Variants in IL1R1 observed in about 807,000 individuals in gnomAD.
IL1R1 encodes the protein interleukin 1 receptor type 1, also known as interleukin-1 receptor type 1.
A neutral mutation model predicts 50.2 loss-of-function variants in IL1R1; 22 were observed. The observed-to-expected ratio is 0.44, with a 90% CI of 0.31 to 0.63. The LOEUF (loss-of-function observed/expected upper bound fraction) is 0.63. Among genes scored for constraint, IL1R1 ranks in the 20% least tolerant of loss-of-function variants. IL1R1 has a pLI of 0.07. For synonymous variants in IL1R1, 251 were observed against 236.7 expected, an observed-to-expected ratio of 1.06 and a Z score of -0.55; for missense variants, 509 against 676.2, an observed-to-expected ratio of 0.75 and a Z score of 2.74.
chr2:102,141,993 T>C (rs1370401730), upstream of IL1R1: 1 of 152,180 alleles, frequency 6.6e-6, no homozygotes, highest in Admixed American at 6.5e-5. Flanking sequence ...GAATTCTCAT[T>C]GGCAAAGTGA....
Position 102,164,733 on chromosome 2 carries a change from G to T in IL1R1, c.62-41G>T, listed in dbSNP as rs201457334. ...GATATTAAATCAAGACACACTGGCA[G>T]ATTTTTATGTAAATTGCTTCCACCC... On this transcript the variant is annotated intron_variant, in intron 3 of 11. Coordinates refer to ENST00000410023, the MANE Select transcript of IL1R1 (RefSeq NM_000877.4). 270 of 1,401,504 alleles carry T rather than the reference G, an allele frequency of 1.9e-4. 1 individual carries two copies. Among genetic ancestry groups the T allele is most frequent in the Middle Eastern group, 1.6e-3 (9 of 5,582 alleles). The allele number at this position is 1,401,504 out of a possible 1,614,324, so 86.8% of individuals were successfully genotyped here.
intron 1 of IL1R1, among the ~76,000 whole-genome samples, chr2:102,088,584 G>A (rs148522468): frequency 3.5e-4 from 53 of 152,306 alleles, no homozygotes; most frequent in East Asian, 9.6e-4. Flanking sequence ...GGACGTTGGC[G>A]TCAACTTAAA....
At chr2:102,168,559 A>C (rs762247866) in intron 6 of IL1R1, 39 bp from the exon 7 acceptor site, 1 of 1,528,842 alleles carries the variant, frequency 6.5e-7, no homozygotes, top group Non-Finnish European at 9.1e-7. Context: ...ATTCTGATCT[A>C]TAAGAGACTG....
Position 102,174,572 on chromosome 2 carries a change from TTC to T in IL1R1, c.992-13_992-12del. 2 of 1,538,680 alleles carry T rather than the reference TTC, an allele frequency of 1.3e-6. No individual in the cohort carries two copies. The highest frequency in any genetic ancestry group is 4.5e-5 in the Admixed American group (2 of 44,222). The stretch of plus-strand genomic sequence containing the variant: ...TTCTAATATTTTTTCTCCTTTTTTT[TTC>T]TTTTTGCTATAGTCACTAATTTCCA... On this transcript the variant is annotated splice_polypyrimidine_tract_variant and intron_variant, in intron 9 of 11. Transcript: ENST00000410023.
chr2:102,104,172 C>T (rs1680276946), upstream of IL1R1, among the ~76,000 whole-genome samples: 1 of 152,042 alleles, frequency 6.6e-6, no homozygotes, highest in Admixed American at 6.5e-5. Flanking sequence ...GGGCACATGG[C>T]AGGAGTGGTG....
chr2:102,082,311 T>C (rs1679246658), intron 1 of IL1R1, among the ~76,000 whole-genome samples: 1 of 152,130 alleles, frequency 6.6e-6, no homozygotes, highest in Admixed American at 6.5e-5. Flanking sequence ...ATATTTGCCA[T>C]GTGATCCATT....
chr2:102,169,626 A>G (rs3917299), intron 7 of IL1R1, among the ~76,000 whole-genome samples: 10,743 of 152,336 alleles, frequency 0.071, 460 homozygotes, highest in African/African-American at 0.085. Context: ...ACAGCAGTCA[A>G]GAACCATACA....
intron 1 of IL1R1, among the ~76,000 whole-genome samples, chr2:102,153,133 G>A (rs1267688463): frequency 6.6e-6 from 1 of 152,168 alleles, no homozygotes; most frequent in Non-Finnish European, 1.5e-5. Context: ...TGGGGTGTAG[G>A]TATGTTAACA....
At position 102,174,572 on chromosome 2, in the gene IL1R1, T is replaced by C. The variant is rs1158126011; in HGVS notation, c.992-15T>C. 10 of 1,538,566 alleles carry C rather than the reference T, an allele frequency of 6.5e-6. No individual in the cohort carries two copies. Among genetic ancestry groups the C allele is most frequent in the Non-Finnish European group, 8.7e-6 (10 of 1,149,404 alleles). ...TTCTAATATTTTTTCTCCTTTTTTT[T>C]TCTTTTTGCTATAGTCACTAATTTC... On this transcript the variant is annotated splice_polypyrimidine_tract_variant and intron_variant, in intron 9 of 11. Coordinates refer to ENST00000410023, the MANE Select transcript of IL1R1 (RefSeq NM_000877.4).
upstream of IL1R1, among the ~76,000 whole-genome samples, chr2:102,101,421 C>T (rs1680135885): frequency 6.6e-6 from 1 of 152,216 alleles, no homozygotes; most frequent in Non-Finnish European, 1.5e-5. Flanking sequence ...CTCCTGCCCT[C>T]TCTTAATGAC....
chr2:102,082,380 A>G (rs954651364), intron 1 of IL1R1, among the ~76,000 whole-genome samples: 7 of 152,210 alleles, frequency 4.6e-5, no homozygotes, highest in African/African-American at 1.7e-4. Context: ...AAAAAGGATT[A>G]TCTTGTTTGT....
Position 102,096,207 on chromosome 2 carries a change from T to A in IL1R1, c.-84+25674T>A, listed in dbSNP as rs567286044. Reference sequence around the variant, plus strand: ...GGACTTTTACAGGATTTTTTGCTATTATGAAAAATGTTTCTCTGAGTGTTC... The same window carrying A: ...GGACTTTTACAGGATTTTTTGCTATAATGAAAAATGTTTCTCTGAGTGTTC... On this transcript the variant is annotated intron_variant, in intron 1 of 11. Transcript: ENST00000409929. Among the ~76,000 whole-genome samples, 4 of 152,310 alleles carry A rather than the reference T, an allele frequency of 2.6e-5. No individual in the cohort carries two copies. In the South Asian group the frequency reaches 8.3e-4, roughly 32 times the overall value.
In IL1R1 at chr2:102,175,369, T is replaced by C. The variant is rs28362305; in HGVS notation, c.1136-109T>C. The C allele has an allele frequency of 1.4e-4, 115 of 817,716 alleles. 1 individual carries two copies. In the East Asian group the frequency reaches 2.8e-3, roughly 20 times the overall value. The allele number at this position is 817,716 out of a possible 1,614,324, so 50.7% of individuals were successfully genotyped here. A position where few individuals can be genotyped will look rare whatever the true frequency, so the allele number is the denominator to read the frequency against. On this transcript the variant is annotated intron_variant, in intron 10 of 11. Transcript: ENST00000410023. ...TATTGCTGCTTCAGTCATGCCATTG[T>C]ATAAAAAAAGATGAATAGTTCATTA...
intron 1 of IL1R1, among the ~76,000 whole-genome samples, chr2:102,124,061 TA>T (rs1430612405): frequency 6.6e-6 from 1 of 152,120 alleles, no homozygotes; most frequent in Non-Finnish European, 1.5e-5. Context: ...AGGGAAAGGT[TA>T]GACAAGGGTG....
chr2:102,096,194 G>A (rs1461774820), intron 1 of IL1R1, among the ~76,000 whole-genome samples: 2 of 152,068 alleles, frequency 1.3e-5, no homozygotes, highest in Non-Finnish European at 2.9e-5. Flanking sequence ...ACTTTTACAG[G>A]ATTTTTTGCT....
intron 1 of IL1R1, among the ~76,000 whole-genome samples, chr2:102,110,568 G>T (rs1680700064): frequency 6.6e-6 from 1 of 151,012 alleles, no homozygotes. Context: ...GGAGAAAGCT[G>T]CAAACTTAGT....
At chr2:102,109,118 G>A (rs539936118) in intron 1 of IL1R1, among the ~76,000 whole-genome samples, 5 of 152,142 alleles carry the variant, frequency 3.3e-5, no homozygotes, top group Admixed American at 3.3e-4. Flanking sequence ...GATTTGCTAG[G>A]GTTATACCAG....
intron 1 of IL1R1, among the ~76,000 whole-genome samples, chr2:102,107,357 C>T (rs574032786): frequency 6.6e-5 from 10 of 152,200 alleles, no homozygotes; most frequent in African/African-American, 2.4e-4. Flanking sequence ...ATGGATGAAG[C>T]TGGAAACCAT....
intron 1 of IL1R1, among the ~76,000 whole-genome samples, chr2:102,072,196 G>A (rs542814449): frequency 6.6e-6 from 1 of 151,290 alleles, no homozygotes; most frequent in African/African-American, 2.4e-5. Flanking sequence ...GGAGGTGGAG[G>A]TTGCAGTGAG....
Sources: allele counts gnomAD v4.1 joint callset (sites outside exome capture counted in the v4.1 genomes callset), GRCh38; gene constraint gnomAD v4.1.1; transcripts MANE v1.5; gene names NCBI Gene and HGNC (gene_info 2026-07-23, HGNC 2026-07-21).